Variants in ADAM23 observed in about 807,000 individuals in gnomAD.
ADAM23 encodes ADAM metallopeptidase domain 23.
In ADAM23, 33 loss-of-function variants were observed where a neutral mutation model predicts 120.1. The observed-to-expected ratio is 0.27, with a 90% CI of 0.21 to 0.37. The LOEUF (loss-of-function observed/expected upper bound fraction) is 0.37. Ranked by LOEUF, ADAM23 falls within the 10% of genes least tolerant of loss-of-function variation. The pLI, the probability that ADAM23 is intolerant of heterozygous loss-of-function variation, is 1.00. For synonymous variants in ADAM23, 367 were observed against 375.2 expected, an observed-to-expected ratio of 0.98 and a Z score of 0.25; for missense variants, 862 against 1,058.2, an observed-to-expected ratio of 0.81 and a Z score of 2.57.
chr2:206,587,956 A>G (rs575339613), intron 19 of ADAM23, 135 bp from the exon 20 acceptor site: 63 of 806,336 alleles, frequency 7.8e-5, no homozygotes, highest in Non-Finnish European at 9.8e-5. Context: ...TGTGATCCTT[A>G]CTGGTCACTA....
At chr2:206,455,748 G>A (rs1225001043) in intron 2 of ADAM23, among the ~76,000 whole-genome samples, 1 of 152,128 alleles carries the variant, frequency 6.6e-6, no homozygotes, top group Non-Finnish European at 1.5e-5. Flanking sequence ...CAGATCTCTG[G>A]AGCAGGGCAC....
At chr2:206,512,158 G>A (rs1223183736) in intron 3 of ADAM23, among the ~76,000 whole-genome samples, 1 of 152,154 alleles carries the variant, frequency 6.6e-6, no homozygotes, top group Non-Finnish European at 1.5e-5. Flanking sequence ...GAGATAAAGA[G>A]AACTGATAGC....
At chr2:206,561,826 C>T (rs896882104) in intron 12 of ADAM23, among the ~76,000 whole-genome samples, 4 of 152,144 alleles carry the variant, frequency 2.6e-5, no homozygotes, top group Admixed American at 1.3e-4. Context: ...CTACAATTAG[C>T]CTGGAATAAT....
chr2:206,544,825 G>T (rs1184739898), intron 6 of ADAM23, among the ~76,000 whole-genome samples: 1 of 152,076 alleles, frequency 6.6e-6, no homozygotes, highest in Non-Finnish European at 1.5e-5. Context: ...TGTTAGCCAG[G>T]ATGGAGTTAA....
At chr2:206,610,928 T>C (rs1287747420) in intron 25 of ADAM23, among the ~76,000 whole-genome samples, 3 of 152,180 alleles carry the variant, frequency 2.0e-5, no homozygotes, top group African/African-American at 7.2e-5. Flanking sequence ...ATAAGACCAT[T>C]ACCCAAATTC....
chr2:206,466,672 G>A (rs1695547398), intron 2 of ADAM23, among the ~76,000 whole-genome samples: 1 of 152,170 alleles, frequency 6.6e-6, no homozygotes, highest in South Asian at 2.1e-4. Context: ...TTTAATTAGT[G>A]TATTAGTCTG....
intron 2 of ADAM23, among the ~76,000 whole-genome samples, chr2:206,477,083 A>G (rs1024074432): frequency 3.3e-5 from 5 of 152,318 alleles, no homozygotes; most frequent in African/African-American, 1.2e-4. Flanking sequence ...AAAACACAAT[A>G]GTATCTATTG....
chr2:206,549,730 G>T (rs753405944), intron 8 of ADAM23, among the ~76,000 whole-genome samples: 3 of 151,798 alleles, frequency 2.0e-5, no homozygotes, highest in Non-Finnish European at 2.9e-5. Flanking sequence ...AAGTAAATAT[G>T]AATATTTTAT....
intron 4 of ADAM23, among the ~76,000 whole-genome samples, chr2:206,537,295 A>G (rs374832326): frequency 6.6e-6 from 1 of 152,174 alleles, no homozygotes; most frequent in Non-Finnish European, 1.5e-5. Flanking sequence ...TTTTGGCAGC[A>G]GGAGAGCATG....
At chr2:206,558,528 G>A (rs944361785) in intron 10 of ADAM23, among the ~76,000 whole-genome samples, 3 of 152,140 alleles carry the variant, frequency 2.0e-5, no homozygotes, top group African/African-American at 7.2e-5. Flanking sequence ...GATGTGCGTC[G>A]AGTATCTCAT....
At chr2:206,469,843 GTCTGGGATTCTCTTTCCTTAGGTA>G (rs1183668672) in intron 2 of ADAM23, among the ~76,000 whole-genome samples, 2 of 152,148 alleles carry the variant, frequency 1.3e-5, no homozygotes, top group African/African-American at 4.8e-5. Context: ...TGTTCCCTCT[GTCTGGGATTCTCTTTCCTTAGGTA>G]TTTACATGAC....
chr2:206,577,246 C>A (rs1698132091), intron 18 of ADAM23, among the ~76,000 whole-genome samples: 1 of 151,502 alleles, frequency 6.6e-6, no homozygotes, highest in Non-Finnish European at 1.5e-5. Flanking sequence ...AGAATAAGGG[C>A]ATTTTTTCTT....
At chr2:206,595,026 C>T in intron 23 of ADAM23, 121 bp downstream of exon 23, 2 of 1,289,928 alleles carry the variant, frequency 1.6e-6, no homozygotes, top group Non-Finnish European at 2.1e-6. Flanking sequence ...ACTAAAAATG[C>T]AAAAAATAGC....
chr2:206,519,592 A>G (rs1286899686), intron 3 of ADAM23, among the ~76,000 whole-genome samples: 1 of 152,192 alleles, frequency 6.6e-6, no homozygotes, highest in Non-Finnish European at 1.5e-5. Context: ...AGAAAGCATT[A>G]AAAATTCTCT....
chr2:206,559,900 G>T, intron 10 of ADAM23, 55 bp from the exon 11 acceptor site: 2 of 1,503,224 alleles, frequency 1.3e-6, no homozygotes, highest in South Asian at 1.3e-5. Context: ...CTCACTGATC[G>T]TGCATGTTTG....
At chr2:206,579,639 G>T (rs1392620386) in intron 18 of ADAM23, among the ~76,000 whole-genome samples, 1 of 152,192 alleles carries the variant, frequency 6.6e-6, no homozygotes, top group Non-Finnish European at 1.5e-5. Flanking sequence ...TGGCCTTACA[G>T]TATAGTTTGA....
Position 206,515,705 on chromosome 2 carries a change from G to A in ADAM23, c.510-15180G>A, listed in dbSNP as rs984924863. Among the ~76,000 whole-genome samples the A allele has an allele frequency of 5.3e-5, 8 of 151,972 alleles. 1 individual carries two copies. Among genetic ancestry groups the A allele is most frequent in the Non-Finnish European group, 7.4e-5 (5 of 67,986 alleles). ...AAGTTTTACTGTTTTAATATAAATG[G>A]ACTCCTATGTGAACACTTTTAGACT... On this transcript the variant is annotated intron_variant, in intron 3 of 25. Coordinates refer to ENST00000264377, the MANE Select transcript of ADAM23 (RefSeq NM_003812.4).
At chr2:206,589,707 C>T (rs908429848) in intron 21 of ADAM23, among the ~76,000 whole-genome samples, 193 bp downstream of exon 21, 6 of 152,130 alleles carry the variant, frequency 3.9e-5, no homozygotes, top group Non-Finnish European at 5.9e-5. Flanking sequence ...TACTATGCTA[C>T]AGATTCATGC....
chr2:206,570,742 A>G lies in ADAM23; in HGVS notation c.1497A>G (p.Leu499=), dbSNP rs574485280. 8.1e-6 allele frequency: 13 copies of G among 1,613,656 alleles called. No individual in the cohort carries two copies. Among genetic ancestry groups the G allele is most frequent in the Admixed American group, 1.7e-5 (1 of 59,998 alleles). Residue 499 remains leucine (L), a splice_region_variant and synonymous_variant, in exon 16 of 26, where the codon CTA becomes CTG. Coordinates refer to ENST00000264377, the MANE Select transcript of ADAM23 (RefSeq NM_003812.4). The stretch of plus-strand genomic sequence containing the variant: ...CCTTCTGTCCCTAATCTCTTTAGCT[A>G]TTTGAGCCCACGGAATGTGGAAATG... ...GACLFNRPTK[L]FEPTECGNGY... is the part of the protein sequence containing the mutation.
Sources: gnomAD v4.1 joint callset for allele counts (sites outside exome capture counted in the v4.1 genomes callset) on GRCh38, gnomAD v4.1.1 for gene constraint, MANE v1.5 for transcripts, NCBI Gene and HGNC (gene_info 2026-07-23, HGNC 2026-07-21) for gene names.